MALRD1: variants seen among roughly 807,000 people sequenced by gnomAD.
The protein encoded by MALRD1 is MAM and LDL receptor class A domain containing 1, also known as MAM and LDL-receptor class A domain-containing protein 1.
A neutral mutation model predicts 242.1 loss-of-function variants in MALRD1; 247 were observed. That is an observed-to-expected ratio of 1.02 (90% confidence interval 0.92 to 1.13). The LOEUF is 1.13. Among genes scored for constraint, MALRD1 ranks in the 50% most tolerant of loss-of-function variants. The pLI is 0.00. For synonymous variants in MALRD1, 995 were observed against 866.6 expected (o/e 1.15, Z -2.60); for missense variants, 2,989 against 2,533.1 (o/e 1.18, Z -3.86).
chr10:19,330,193 C>T (rs931097267), intron 23 of MALRD1, among the ~76,000 whole-genome samples: 2 of 151,850 alleles, frequency 1.3e-5, no homozygotes, highest in African/African-American at 4.8e-5. Context: ...CTATGAAGAG[C>T]AGTCTATTCC....
intron 12 of MALRD1, among the ~76,000 whole-genome samples, chr10:19,161,567 A>AC (rs376356853): frequency 1.4e-5 from 2 of 143,320 alleles, no homozygotes; most frequent in Non-Finnish European, 3.1e-5. Context: ...AAAAAAAAAA[A>AC]GAAAATTTCC....
At chr10:19,236,483 T>A (rs1838322374) in intron 18 of MALRD1, among the ~76,000 whole-genome samples, 1 of 152,156 alleles carries the variant, frequency 6.6e-6, no homozygotes, top group African/African-American at 2.4e-5. Context: ...AGAAGGCCTA[T>A]TAGGTTCCAA....
rs1400874028 is a variant in MALRD1, at chr10:19,325,854, T to C, written c.3577-1709T>C. Reference sequence around the variant, plus strand: ...TTCCCCAGTAGAGAGATACAGACTGTGACTAACTGCTAGGTCATACGTTTT... The same window carrying C: ...TTCCCCAGTAGAGAGATACAGACTGCGACTAACTGCTAGGTCATACGTTTT... On this transcript the variant is annotated intron_variant, in intron 22 of 39. Coordinates refer to ENST00000454679, the MANE Select transcript of MALRD1 (RefSeq NM_001142308.3). Among the ~76,000 whole-genome samples, 4 of 152,132 alleles carry C rather than the reference T, an allele frequency of 2.6e-5. 1 individual carries two copies. The highest frequency in any genetic ancestry group is 9.6e-5 in the African/African-American group (4 of 41,458).
At chr10:19,477,776 C>T (rs971508741) in intron 29 of MALRD1, among the ~76,000 whole-genome samples, 2 of 152,134 alleles carry the variant, frequency 1.3e-5, no homozygotes, top group East Asian at 3.9e-4. Context: ...AGAGATTGGT[C>T]GGACCAGGTG....
chr10:19,348,011 A>C lies in MALRD1; in HGVS notation c.4142A>C (p.Asn1381Thr). Residue 1381 changes from asparagine (N) to threonine (T), a missense_variant, in exon 25 of 40, where the codon AAC becomes ACC. Asn to Thr is a moderately conservative substitution (Grantham distance 65). Transcript: ENST00000454679. ...SSPVISKRSK[N>T]CKIIFHYHMY... is the part of the protein sequence containing the mutation. Reference sequence around the variant, plus strand: ...CCAGTTATAAGTAAGAGAAGCAAAAACTGCAAGGTATGGGGAAAATCGAAC... The same window carrying C: ...CCAGTTATAAGTAAGAGAAGCAAAACCTGCAAGGTATGGGGAAAATCGAAC... 1 of 1,550,198 alleles carries C rather than the reference A, an allele frequency of 6.5e-7. No homozygotes were observed. The highest frequency in any genetic ancestry group is 8.7e-7 in the Non-Finnish European group (1 of 1,146,680).
At position 19,209,468 on chromosome 10, in the gene MALRD1, G is replaced by A; in HGVS notation, c.2779G>A (p.Ala927Thr). 1 of 1,550,808 alleles carries A rather than the reference G, an allele frequency of 6.4e-7. No homozygotes were observed. The highest frequency in any genetic ancestry group is 8.7e-7 in the Non-Finnish European group (1 of 1,147,028). ...SEPQAFQDSA[A>T]LLSPILNATD... ...GCCACAGGCTTTTCAAGACAGTGCT[G>A]CCTTACTCAGCCCAATCCTTAATGC... Residue 927 changes from alanine to threonine, a missense_variant, in exon 18 of 40, where the codon GCC (alanine) becomes ACC (threonine). Coordinates refer to ENST00000454679, the MANE Select transcript of MALRD1 (RefSeq NM_001142308.3).
chr10:19,604,826 G>A (rs1292480354), intron 34 of MALRD1, among the ~76,000 whole-genome samples: 2 of 152,102 alleles, frequency 1.3e-5, no homozygotes, highest in African/African-American at 4.8e-5. Flanking sequence ...ACATTTATAT[G>A]CACTGGGAAA....
chr10:19,241,368 T>C (rs1838764163), intron 18 of MALRD1, among the ~76,000 whole-genome samples: 1 of 152,138 alleles, frequency 6.6e-6, no homozygotes, highest in Non-Finnish European at 1.5e-5. Flanking sequence ...GGCATATAGT[T>C]ACGAGTAATG....
chr10:19,221,643 A>G (rs1319062819), intron 18 of MALRD1, among the ~76,000 whole-genome samples: 1 of 152,180 alleles, frequency 6.6e-6, no homozygotes, highest in African/African-American at 2.4e-5. Flanking sequence ...TAAAGAGTGT[A>G]TGGGCAAGAA....
chr10:19,636,005 A>G (rs1840110499), intron 36 of MALRD1, among the ~76,000 whole-genome samples: 1 of 152,020 alleles, frequency 6.6e-6, no homozygotes, highest in South Asian at 2.1e-4. Context: ...GGTTCAAGCA[A>G]TTCTCCTGCC....
intron 36 of MALRD1, among the ~76,000 whole-genome samples, chr10:19,659,971 C>T (rs1414664026): frequency 3.9e-5 from 6 of 152,160 alleles, no homozygotes; most frequent in Non-Finnish European, 8.8e-5. Context: ...TTCTCCCTAA[C>T]TGCATCCCCC....
chr10:19,303,588 CAT>C (rs1228455640), intron 21 of MALRD1, among the ~76,000 whole-genome samples: 1 of 151,628 alleles, frequency 6.6e-6, no homozygotes, highest in Non-Finnish European at 1.5e-5. Flanking sequence ...TAAGGCAAGC[CAT>C]GTGTGTAATT....
chr10:19,279,264 C>CATATAGGAATA (rs1349347425), intron 19 of MALRD1, among the ~76,000 whole-genome samples: 2 of 152,140 alleles, frequency 1.3e-5, no homozygotes, highest in African/African-American at 2.4e-5. Context: ...CAATAACTAA[C>CATATAGGAATA]ATATAGGAAT....
At chr10:19,230,808 C>G (rs1347819533) in intron 18 of MALRD1, among the ~76,000 whole-genome samples, 1 of 152,178 alleles carries the variant, frequency 6.6e-6, no homozygotes, top group Non-Finnish European at 1.5e-5. Context: ...CAAGGCAAAA[C>G]ACATGAAATG....
At chr10:19,692,421 C>G in intron 37 of MALRD1, 37 bp from the exon 38 acceptor site, 1 of 1,530,780 alleles carries the variant, frequency 6.5e-7, no homozygotes, top group Non-Finnish European at 8.8e-7. Context: ...ATATATTTCA[C>G]TGCATATTTA....
intron 26 of MALRD1, among the ~76,000 whole-genome samples, chr10:19,373,293 G>A (rs1021331584): frequency 1.3e-5 from 2 of 150,884 alleles, no homozygotes; most frequent in African/African-American, 4.9e-5. Flanking sequence ...ACGAGGTCAG[G>A]AGTTCAAGAC....
intron 26 of MALRD1, among the ~76,000 whole-genome samples, chr10:19,357,373 CAA>C (rs138858113): frequency 6.9e-6 from 1 of 145,822 alleles, no homozygotes; most frequent in African/African-American, 2.5e-5. Context: ...AGGAATTTTT[CAA>C]AAAAAAAAGT....
chr10:19,329,265 A>G lies in MALRD1; in HGVS notation c.3687+1592A>G, dbSNP rs189428592. On this transcript the variant is annotated intron_variant, in intron 23 of 39. Transcript: ENST00000454679. ...AGAGAGACAGTGGTTAGTTAGGCAC[A>G]CTCTTCGTGATTCTGCCATTTTTTA... Among the ~76,000 whole-genome samples, 10 of 152,156 alleles carry G rather than the reference A, an allele frequency of 6.6e-5. No homozygotes were observed. The East Asian group carries it at 1.7e-3, about 26-fold the overall frequency.
chr10:19,494,113 C>A (rs1365256395), intron 30 of MALRD1, among the ~76,000 whole-genome samples: 1 of 152,142 alleles, frequency 6.6e-6, no homozygotes, highest in African/African-American at 2.4e-5. Context: ...TACCTGCTGA[C>A]CACTGCACTT....
Sources: allele counts gnomAD v4.1 joint callset (sites outside exome capture counted in the v4.1 genomes callset), GRCh38; gene constraint gnomAD v4.1.1; transcripts MANE v1.5; gene names NCBI Gene and HGNC (gene_info 2026-07-23, HGNC 2026-07-21).